CUL4A: variants seen among roughly 807,000 people sequenced by gnomAD.
The protein encoded by CUL4A is cullin-4A.
A neutral mutation model predicts 95.5 loss-of-function variants in CUL4A; 16 were observed. That is an observed-to-expected ratio of 0.17 (90% CI 0.11 to 0.25). The LOEUF (loss-of-function observed/expected upper bound fraction) is 0.25. CUL4A is among the 10% of genes least tolerant of loss of function. The pLI, the probability that CUL4A is intolerant of heterozygous loss-of-function variation, is 1.00. For synonymous variants in CUL4A, 380 were observed against 353.1 expected (o/e 1.08, Z -0.85); for missense variants, 610 against 937.0 (o/e 0.65, Z 4.56).
chr13:113,230,146 T>G (rs2041260211), intron 5 of CUL4A: 1 of 158,964 alleles, frequency 6.3e-6, no homozygotes, highest in Non-Finnish European at 1.4e-5. Context: ...GTCTGATTTG[T>G]CTTGTTCTCT....
intron 4 of CUL4A, among the ~76,000 whole-genome samples, chr13:113,228,273 A>G (rs1032414306): frequency 1.3e-5 from 2 of 152,198 alleles, no homozygotes; most frequent in African/African-American, 4.8e-5. Flanking sequence ...CAGTGGTGAC[A>G]GGGTTCTTAG....
intron 1 of CUL4A, 64 bp downstream of exon 1, chr13:113,209,839 G>A (rs909626784): frequency 1.8e-6 from 2 of 1,084,198 alleles, no homozygotes; most frequent in Middle Eastern, 4.0e-4. Context: ...GACCCCGCCC[G>A]ACTTGGGGGG....
chr13:113,244,879 G>T, intron 12 of CUL4A, 70 bp from the exon 13 acceptor site: 6 of 935,588 alleles, frequency 6.4e-6, no homozygotes, highest in Non-Finnish European at 1.0e-5. Flanking sequence ...TTCAGCAGTT[G>T]AAGTTTGAAG....
intron 15 of CUL4A, 81 bp downstream of exon 15, chr13:113,246,144 G>A (rs2041850997): frequency 3.9e-6 from 4 of 1,027,718 alleles, no homozygotes; most frequent in Non-Finnish European, 5.8e-6. Flanking sequence ...AAGAATTGTT[G>A]AATGGGGAGT....
At chr13:113,239,401 T>C (rs1409418830) in intron 9 of CUL4A, 32 bp from the exon 10 acceptor site, 5 of 1,544,682 alleles carry the variant, frequency 3.2e-6, no homozygotes, top group Non-Finnish European at 2.7e-6. Flanking sequence ...CTGCCCATGC[T>C]GTACTCTGCT....
At chr13:113,246,303 C>T (rs1566361685) in intron 15 of CUL4A, among the ~76,000 whole-genome samples, 1 of 152,212 alleles carries the variant, frequency 6.6e-6, no homozygotes, top group Non-Finnish European at 1.5e-5. Flanking sequence ...CCCATGAGCA[C>T]AGGCACTTGT....
At chr13:113,227,002 G>GT (rs1332000049) in intron 3 of CUL4A, among the ~76,000 whole-genome samples, 1 of 152,188 alleles carries the variant, frequency 6.6e-6, no homozygotes, top group African/African-American at 2.4e-5. Context: ...TAAGGCCTGG[G>GT]TGTGTTTCTG....
intron 8 of CUL4A, among the ~76,000 whole-genome samples, chr13:113,236,100 A>G (rs1048327392): frequency 6.6e-6 from 1 of 152,174 alleles, no homozygotes; most frequent in Non-Finnish European, 1.5e-5. Context: ...GATGAAAATG[A>G]TATGGTGTGC....
At chr13:113,249,887 ATCT>A (rs2041951313) in intron 15 of CUL4A, among the ~76,000 whole-genome samples, 3 of 152,122 alleles carry the variant, frequency 2.0e-5, no homozygotes, top group Non-Finnish European at 4.4e-5. Flanking sequence ...CCATTTGCGT[ATCT>A]TCTTTGGAGA....
intron 2 of CUL4A, among the ~76,000 whole-genome samples, chr13:113,214,936 G>A (rs1213475623): frequency 1.3e-5 from 2 of 151,570 alleles, no homozygotes; most frequent in African/African-American, 2.4e-5. Flanking sequence ...GGAGGTCGCT[G>A]TGTGACTGTG....
intron 19 of CUL4A, among the ~76,000 whole-genome samples, chr13:113,261,280 A>T (rs368454679): frequency 6.6e-6 from 1 of 152,048 alleles, no homozygotes; most frequent in African/African-American, 2.4e-5. Flanking sequence ...GTATTATGAA[A>T]CGTTTTTTAC....
intron 3 of CUL4A, among the ~76,000 whole-genome samples, chr13:113,225,622 C>T (rs930068793): frequency 2.0e-5 from 3 of 152,212 alleles, no homozygotes; most frequent in Non-Finnish European, 4.4e-5. Context: ...AGGATCTGTG[C>T]ACCCTCATCT....
rs1201578153 is a variant in CUL4A at position 113,246,009 on chromosome 13, C to A, written c.1584C>A (p.Leu528=). The A allele has an allele frequency of 6.2e-7, 1 of 1,613,854 alleles. No homozygotes were observed. Among genetic ancestry groups the A allele is most frequent in the African/African-American group, 1.3e-5 (1 of 74,908 alleles). ...CTATAGACCTCACAGTGAACATACT[C>A]ACAATGGGCTACTGGCCAACATACA... ...SGPIDLTVNI[L]TMGYWPTYTP... Residue 528 remains leucine (L), a synonymous_variant, in exon 15 of 20, where the codon CTC becomes CTA. Coordinates refer to ENST00000375440, the MANE Select transcript of CUL4A (RefSeq NM_001008895.4).
rs1318597476 is a variant in CUL4A, at chr13:113,226,439, G to A, written c.369-1537G>A. Among the ~76,000 whole-genome samples the A allele has an allele frequency of 2.0e-5, 3 of 152,330 alleles. No homozygotes were observed. In the South Asian group the frequency reaches 6.2e-4, roughly 32 times the overall value. Reference sequence around the variant, plus strand: ...AAGGGAACAATGTCTGCACCACGAGGTTGGGGAGATTTTCAGTGAGAGTGG... The same window carrying A: ...AAGGGAACAATGTCTGCACCACGAGATTGGGGAGATTTTCAGTGAGAGTGG... On this transcript the variant is annotated intron_variant, in intron 3 of 19. Coordinates refer to ENST00000375440, the MANE Select transcript of CUL4A (RefSeq NM_001008895.4).
chr13:113,227,430 ACT>A (rs1016424499), intron 3 of CUL4A, among the ~76,000 whole-genome samples: 1 of 152,014 alleles, frequency 6.6e-6, no homozygotes, highest in African/African-American at 2.4e-5. Context: ...AGGCTTGTCC[ACT>A]CTCATGACCT....
intron 5 of CUL4A, among the ~76,000 whole-genome samples, chr13:113,230,932 G>A (rs1179325116): frequency 2.0e-5 from 3 of 151,744 alleles, no homozygotes; most frequent in Non-Finnish European, 2.9e-5. Flanking sequence ...CACCACATTC[G>A]ACTAACTTCT....
rs192679677 is a variant in CUL4A, at chr13:113,243,833, G to T, written c.1229-577G>T. On this transcript the variant is annotated intron_variant, in intron 11 of 19. Transcript: ENST00000375440. Reference sequence around the variant, plus strand: ...GCTTTTGTTCCTCTGTATCATTTGTGGTTTCTCTAAAGCAAAGGGATGTTG... The same window carrying T: ...GCTTTTGTTCCTCTGTATCATTTGTTGTTTCTCTAAAGCAAAGGGATGTTG... Among the ~76,000 whole-genome samples, 249 of 152,286 alleles carry T rather than the reference G, an allele frequency of 1.6e-3. 3 individuals carry two copies. The highest frequency in any genetic ancestry group is 3.4e-3 in the Middle Eastern group (1 of 294).
chr13:113,208,498 A>G (rs1595311892), upstream of CUL4A: 1 of 1,546,782 alleles, frequency 6.5e-7, no homozygotes, highest in South Asian at 1.2e-5. Context: ...AAGGGTGGCG[A>G]GGCGGGAAAG....
chr13:113,233,735 C>T (rs931459769), intron 6 of CUL4A, among the ~76,000 whole-genome samples, 162 bp from the exon 7 acceptor site: 40 of 152,178 alleles, frequency 2.6e-4, no homozygotes, highest in African/African-American at 9.2e-4. Flanking sequence ...AGGGCCTGCC[C>T]GGCCGTTTTG....
Sources: gnomAD v4.1 joint callset for allele counts (sites outside exome capture counted in the v4.1 genomes callset) on GRCh38, gnomAD v4.1.1 for gene constraint, MANE v1.5 for transcripts, NCBI Gene and HGNC (gene_info 2026-07-23, HGNC 2026-07-21) for gene names.